Variants in NMU observed in about 807,000 individuals in gnomAD.
The protein encoded by NMU is neuromedin-U.
In NMU, 29 loss-of-function variants were observed where a neutral mutation model predicts 35.4. The observed-to-expected ratio is 0.82, with a 90% confidence interval of 0.61 to 1.12. NMU has a LOEUF of 1.12. Ranked by LOEUF, NMU falls within the 50% of genes most tolerant of loss-of-function variation. The pLI is 0.00. For missense variants in NMU, 199 were observed against 206.2 expected (o/e 0.97, Z 0.21); for synonymous variants, 78 against 81.3 (o/e 0.96, Z 0.22).
At chr4:55,603,836 C>T (rs111983326) in intron 7 of NMU, among the ~76,000 whole-genome samples, 8 of 144,066 alleles carry the variant, frequency 5.6e-5, no homozygotes, top group Admixed American at 3.5e-4. Flanking sequence ...GGTGTGAACC[C>T]GGGGGGCGGA....
intron 3 of NMU, among the ~76,000 whole-genome samples, chr4:55,614,567 A>T (rs1338005971): frequency 6.6e-6 from 1 of 152,230 alleles, no homozygotes; most frequent in Non-Finnish European, 1.5e-5. Flanking sequence ...CATAGCTTTA[A>T]TTTCACATGT....
chr4:55,636,225 C>T lies in NMU; in HGVS notation c.-33G>A. The T allele has an allele frequency of 1.4e-6, 2 of 1,430,288 alleles. No homozygotes were observed. The highest frequency in any genetic ancestry group is 1.8e-6 in the Non-Finnish European group (2 of 1,102,178). 88.6% of individuals were successfully genotyped at this position (1,430,288 alleles called of 1,614,324 possible). On this transcript the variant is annotated 5_prime_UTR_variant, in exon 1 of 10. Transcript: ENST00000264218. The surrounding 1 kb of genome is among the most constrained non-coding windows in gnomAD (Gnocchi z 4.0). ...GCTGCGGGAGGCTCGGTGCTAGGGA[C>T]GCTGCGCTGCGCCACGCGTAGCTGG...
chr4:55,605,492 T>A, intron 6 of NMU, 143 bp from the exon 7 acceptor site: 5 of 722,974 alleles, frequency 6.9e-6, no homozygotes, highest in Non-Finnish European at 1.3e-5. Context: ...CTAAAACAGG[T>A]CTTTGGGAGC....
At chr4:55,629,551 G>A (rs1269705895) in intron 2 of NMU, among the ~76,000 whole-genome samples, 2 of 150,636 alleles carry the variant, frequency 1.3e-5, no homozygotes, top group Non-Finnish European at 3.0e-5. Context: ...CCCGGGAGGC[G>A]GAGGTTGCAG....
chr4:55,596,626 C>A (rs1214084274), intron 9 of NMU, among the ~76,000 whole-genome samples: 2 of 152,032 alleles, frequency 1.3e-5, no homozygotes, highest in African/African-American at 4.8e-5. Context: ...CTTATGTGAA[C>A]ATAATTTATC....
intron 3 of NMU, among the ~76,000 whole-genome samples, chr4:55,610,150 G>A (rs1222068016): frequency 6.6e-6 from 1 of 152,098 alleles, no homozygotes; most frequent in Non-Finnish European, 1.5e-5. Context: ...CAGCTGAAGG[G>A]ATTCTTAATT....
intron 9 of NMU, among the ~76,000 whole-genome samples, chr4:55,596,391 A>AAT: frequency 1.3e-5 from 2 of 151,422 alleles, no homozygotes; most frequent in South Asian, 4.2e-4. Flanking sequence ...AAATTCACCA[A>AAT]ATCATGGATT....
At chr4:55,629,448 G>A (rs989567003) in intron 2 of NMU, among the ~76,000 whole-genome samples, 11 of 151,446 alleles carry the variant, frequency 7.3e-5, no homozygotes, top group East Asian at 1.9e-4. Flanking sequence ...GTGAAACCCC[G>A]TCTCTACTAA....
chr4:55,629,543 C>T (rs751358500), intron 2 of NMU, among the ~76,000 whole-genome samples: 2 of 147,858 alleles, frequency 1.4e-5, no homozygotes, highest in Admixed American at 6.9e-5. Flanking sequence ...CGCTTGAACC[C>T]GGGAGGCGGA....
chr4:55,610,464 GAAAAA>G (rs769375732), intron 3 of NMU, among the ~76,000 whole-genome samples: 11 of 132,398 alleles, frequency 8.3e-5, no homozygotes, highest in African/African-American at 3.1e-4. Context: ...CTCTGTCTCA[GAAAAA>G]AAAAAAAAAG....
At chr4:55,636,352 G>T, upstream of NMU, 1 of 1,118,912 alleles carries the variant, frequency 8.9e-7, no homozygotes, top group Non-Finnish European at 1.2e-6. The surrounding 1 kb of genome is among the most constrained non-coding windows in gnomAD (Gnocchi z 4.0). Flanking sequence ...GGGCTGGGCT[G>T]CGCGGTCCCC....
intron 2 of NMU, among the ~76,000 whole-genome samples, chr4:55,619,114 C>T (rs1032518019): frequency 2.0e-5 from 3 of 152,134 alleles, no homozygotes; most frequent in African/African-American, 7.2e-5. Flanking sequence ...AGTGATCCTC[C>T]TGCTGCCTCG....
At chr4:55,602,001 AAATAAT>A (rs1292273847) in intron 7 of NMU, among the ~76,000 whole-genome samples, 1 of 152,154 alleles carries the variant, frequency 6.6e-6, no homozygotes, top group Non-Finnish European at 1.5e-5. Context: ...TGTCTCAAAA[AAATAAT>A]AATAATACAA....
chr4:55,633,435 T>C (rs533678336), intron 1 of NMU, among the ~76,000 whole-genome samples: 6 of 152,236 alleles, frequency 3.9e-5, no homozygotes, highest in African/African-American at 1.4e-4. Context: ...AGAGTCAATG[T>C]GATTTTCATT....
chr4:55,611,361 T>C (rs57178140), intron 3 of NMU, among the ~76,000 whole-genome samples: 26,770 of 152,094 alleles, frequency 0.18, 2,492 homozygotes, highest in South Asian at 0.23. Flanking sequence ...AAACCCTGTC[T>C]TGAAAAAGAA....
At chr4:55,595,563 T>TACAC (rs1553908987) in intron 9 of NMU, among the ~76,000 whole-genome samples, 152 bp from the exon 10 acceptor site, 109 of 119,998 alleles carry the variant, frequency 9.1e-4, no homozygotes, top group African/African-American at 1.9e-3. Flanking sequence ...TATATATATA[T>TACAC]ACACACACAC....
rs1361774466 is a variant in NMU at position 55,630,480 on chromosome 4, C to T, written c.113-20G>A. Reference sequence around the variant, plus strand: ...GAGCACCTAAAAATAAAGTTGTAGCCACAGATTAATTTTATAGCATTTCTT... The same window carrying T: ...GAGCACCTAAAAATAAAGTTGTAGCTACAGATTAATTTTATAGCATTTCTT... On this transcript the variant is annotated intron_variant, in intron 1 of 9. Transcript: ENST00000264218. 6.3e-7 allele frequency: 1 copy of T among 1,585,178 alleles called. No individual in the cohort carries two copies. The highest frequency in any genetic ancestry group is 8.7e-7 in the Non-Finnish European group (1 of 1,154,342).
intron 2 of NMU, among the ~76,000 whole-genome samples, chr4:55,630,178 T>C (rs1466580923): frequency 6.6e-6 from 1 of 152,144 alleles, no homozygotes; most frequent in Non-Finnish European, 1.5e-5. Flanking sequence ...GTTCTTGTAT[T>C]ACTCTATTAT....
Position 55,611,133 on chromosome 4 carries a change from G to A in NMU, c.220-1954C>T, listed in dbSNP as rs573943291. ...TTCCAGCACTTTGGGAGGCCAAGGT[G>A]GAAGAACTGCTTGAGCCCAGGAGTT... On this transcript the variant is annotated intron_variant, in intron 3 of 9. Coordinates refer to ENST00000264218, the MANE Select transcript of NMU (RefSeq NM_006681.4). 3.9e-5 allele frequency among the ~76,000 whole-genome samples: 6 copies of A among 152,232 alleles called. No individual in the cohort carries two copies. The South Asian group carries it at 1.2e-3, about 32-fold the overall frequency.
Sources: allele counts gnomAD v4.1 joint callset (sites outside exome capture counted in the v4.1 genomes callset), GRCh38; gene constraint gnomAD v4.1.1; non-coding constraint Gnocchi (gnomAD v3.1); transcripts MANE v1.5; gene names NCBI Gene and HGNC (gene_info 2026-07-23, HGNC 2026-07-21).